LRRC28: variants seen among roughly 807,000 people sequenced by gnomAD.
LRRC28 encodes leucine rich repeat containing 28, also known as leucine-rich repeat-containing protein 28.
A neutral mutation model predicts 45.7 loss-of-function variants in LRRC28; 39 were observed. That is an observed-to-expected ratio of 0.85 (90% CI 0.66 to 1.12). The LOEUF is 1.12. Ranked by LOEUF, LRRC28 falls within the 50% of genes most tolerant of loss-of-function variation. The pLI is 0.00. For missense variants in LRRC28, 435 were observed against 438.5 expected, an observed-to-expected ratio of 0.99 and a Z score of 0.07; for synonymous variants, 206 against 178.8, an observed-to-expected ratio of 1.15 and a Z score of -1.22.
chr15:99,370,433 T>C (rs1159699286), intron 9 of LRRC28, among the ~76,000 whole-genome samples: 1 of 152,094 alleles, frequency 6.6e-6, no homozygotes, highest in African/African-American at 2.4e-5. Flanking sequence ...GTGTTTGCAC[T>C]AAAAAGTCCA....
chr15:99,263,588 C>A (rs749814945), intron 2 of LRRC28, among the ~76,000 whole-genome samples: 25 of 152,160 alleles, frequency 1.6e-4, no homozygotes, highest in Admixed American at 1.2e-3. Context: ...GAGTTCCAGA[C>A]TGAGAGCTTT....
At chr15:99,378,079 G>C (rs1432064852) in intron 9 of LRRC28, among the ~76,000 whole-genome samples, 2 of 152,190 alleles carry the variant, frequency 1.3e-5, no homozygotes, top group Non-Finnish European at 2.9e-5. Flanking sequence ...ATTCTGTGAA[G>C]AAAGTCATTG....
At chr15:99,299,131 C>A (rs2082335086) in intron 5 of LRRC28, among the ~76,000 whole-genome samples, 1 of 152,194 alleles carries the variant, frequency 6.6e-6, no homozygotes, top group South Asian at 2.1e-4. Context: ...GAAGAACTTT[C>A]AATTATTAAA....
At chr15:99,359,209 G>A (rs1370005505) in intron 7 of LRRC28, among the ~76,000 whole-genome samples, 1 of 152,172 alleles carries the variant, frequency 6.6e-6, no homozygotes, top group Non-Finnish European at 1.5e-5. Flanking sequence ...AAGGAAATAA[G>A]TGGATAGATT....
intron 9 of LRRC28, among the ~76,000 whole-genome samples, chr15:99,382,793 T>G (rs1237949731): frequency 6.6e-6 from 1 of 152,086 alleles, no homozygotes; most frequent in Admixed American, 6.5e-5. Context: ...TGTTGGATAG[T>G]GTTCTGTATA....
intron 5 of LRRC28, among the ~76,000 whole-genome samples, chr15:99,294,111 T>C (rs1310773894): frequency 1.3e-5 from 2 of 152,220 alleles, no homozygotes; most frequent in African/African-American, 4.8e-5. Flanking sequence ...CTCTCTTTAA[T>C]CTTTTATCTT....
chr15:99,329,030 A>G (rs772141166), intron 5 of LRRC28, among the ~76,000 whole-genome samples: 3 of 151,946 alleles, frequency 2.0e-5, no homozygotes, highest in Non-Finnish European at 2.9e-5. Flanking sequence ...TACATATCTT[A>G]TTGGTTCTGT....
At chr15:99,361,180 A>C in intron 7 of LRRC28, 156 bp from the exon 8 acceptor site, 1 of 904,362 alleles carries the variant, frequency 1.1e-6, no homozygotes, top group Non-Finnish European at 1.6e-6. Flanking sequence ...GGTTTTATGA[A>C]GGAACCCGGG....
chr15:99,338,979 G>A, intron 6 of LRRC28, among the ~76,000 whole-genome samples: 1 of 152,016 alleles, frequency 6.6e-6, no homozygotes, highest in East Asian at 1.9e-4. Flanking sequence ...GTTCACAGTG[G>A]TGACTATCAG....
In LRRC28 at chr15:99,255,996, G is replaced by A. The variant is rs1372631790; in HGVS notation, c.39G>A (p.Arg13=). The A allele has an allele frequency of 6.2e-7, 1 of 1,612,980 alleles. No homozygotes were observed. Among genetic ancestry groups the A allele is most frequent in the African/African-American group, 1.3e-5 (1 of 74,990 alleles). The change falls in exon 2 of 10, where the codon AGG becomes AGA. Residue 13 remains arginine, a synonymous_variant. Coordinates refer to ENST00000301981, the MANE Select transcript of LRRC28 (RefSeq NM_144598.5). ...SELCKTISVA[R]LEKHKNLFLN... is the part of the protein sequence containing the mutation. Reference sequence around the variant, plus strand: ...TTTGTAAGACGATCTCTGTGGCAAGGCTAGAAAAGCACAAGAATTTGTTCT... The same window carrying A: ...TTTGTAAGACGATCTCTGTGGCAAGACTAGAAAAGCACAAGAATTTGTTCT...
intron 2 of LRRC28, chr15:99,259,262 G>A: frequency 9.4e-7 from 1 of 1,063,008 alleles, no homozygotes; most frequent in Non-Finnish European, 1.5e-6. Context: ...AAAAGAGGCT[G>A]AATCTTCTCC....
At chr15:99,284,745 C>T in intron 3 of LRRC28, 1 of 524,314 alleles carries the variant, frequency 1.9e-6, no homozygotes, top group Non-Finnish European at 3.8e-6. Context: ...CCACCATTGT[C>T]CTCCCTTCAT....
chr15:99,359,437 CA>C, intron 7 of LRRC28, among the ~76,000 whole-genome samples: 1 of 152,252 alleles, frequency 6.6e-6, no homozygotes, highest in South Asian at 2.1e-4. Context: ...GCAAGGCTAA[CA>C]AAAGGTGATC....
chr15:99,323,949 G>C (rs868651861), intron 5 of LRRC28, among the ~76,000 whole-genome samples: 13 of 152,138 alleles, frequency 8.5e-5, no homozygotes, highest in African/African-American at 3.1e-4. Context: ...CAGAGTATGT[G>C]TATTCCACAG....
chr15:99,352,682 T>G (rs1450781622), intron 7 of LRRC28, among the ~76,000 whole-genome samples: 1 of 152,216 alleles, frequency 6.6e-6, no homozygotes, highest in African/African-American at 2.4e-5. Flanking sequence ...GTATACCTTT[T>G]TTTATTACAG....
At chr15:99,293,593 C>CCCAAAAAAAA (rs747700282) in intron 5 of LRRC28, among the ~76,000 whole-genome samples, 1 of 44,066 alleles carries the variant, frequency 2.3e-5, no homozygotes, top group Non-Finnish European at 4.4e-5. Flanking sequence ...AACTCTGTCA[C>CCCAAAAAAAA]AAAAAAAAAA....
intron 2 of LRRC28, among the ~76,000 whole-genome samples, chr15:99,260,539 G>A (rs908230466): frequency 1.3e-5 from 2 of 152,166 alleles, no homozygotes; most frequent in Admixed American, 6.5e-5. Context: ...AACTATAAAG[G>A]CTGTACAGAT....
chr15:99,344,927 C>G (rs1270646979), intron 6 of LRRC28, among the ~76,000 whole-genome samples: 2 of 152,202 alleles, frequency 1.3e-5, no homozygotes, highest in African/African-American at 2.4e-5. Flanking sequence ...AAAAGTGTTA[C>G]TACCATTTGC....
intron 8 of LRRC28, 101 bp downstream of exon 8, chr15:99,361,612 T>A: frequency 8.2e-7 from 1 of 1,212,440 alleles, no homozygotes; most frequent in Non-Finnish European, 1.1e-6. Context: ...AAAATTATTG[T>A]GGTAAAATAC....
Sources: allele counts gnomAD v4.1 joint callset (sites outside exome capture counted in the v4.1 genomes callset), GRCh38; gene constraint gnomAD v4.1.1; transcripts MANE v1.5; gene names NCBI Gene and HGNC (gene_info 2026-07-23, HGNC 2026-07-21).